Variants in PANX1 observed in about 807,000 individuals in gnomAD.
The protein encoded by PANX1 is pannexin 1.
A neutral mutation model predicts 38.7 loss-of-function variants in PANX1; 30 were observed. The observed-to-expected ratio is 0.78, with a 90% CI of 0.58 to 1.05. The LOEUF is 1.05. Ranked by LOEUF, PANX1 falls within the 50% of genes least tolerant of loss-of-function variation. The probability of loss-of-function intolerance (pLI) is 0.00; values close to 1 mark genes in which losing one functional copy is unlikely to be tolerated. For missense variants in PANX1, 551 were observed against 517.2 expected (o/e 1.07, Z -0.63); for synonymous variants, 230 against 212.2 (o/e 1.08, Z -0.73).
intron 2 of PANX1, among the ~76,000 whole-genome samples, chr11:94,158,803 G>A (rs933931995): frequency 9.9e-5 from 15 of 152,208 alleles, no homozygotes; most frequent in Admixed American, 5.9e-4. Flanking sequence ...GGAGTGGTGA[G>A]AGAGGGCATC....
chr11:94,138,155 C>A (rs538999412), intron 1 of PANX1, among the ~76,000 whole-genome samples: 3 of 151,990 alleles, frequency 2.0e-5, no homozygotes, highest in African/African-American at 7.2e-5. Context: ...CTGGATAGAC[C>A]CCCAATGGAT....
rs1354853320 is a variant in PANX1, at chr11:94,134,077, T to C, written c.181+4584T>C. Among the ~76,000 whole-genome samples, 3 of 152,238 alleles carry C rather than the reference T, an allele frequency of 2.0e-5. No homozygotes were observed. In the East Asian group the frequency reaches 5.8e-4, roughly 29 times the overall value. ...CGTCATGATAGGTAAGTTGTCCCAC[T>C]TGATTTATAAGCTCAGGTTATATTG... On this transcript the variant is annotated intron_variant, in intron 1 of 4. Coordinates refer to ENST00000227638, the MANE Select transcript of PANX1 (RefSeq NM_015368.4).
intron 1 of PANX1, 149 bp downstream of exon 1, chr11:94,129,642 A>G (rs1946602718): frequency 1.2e-5 from 8 of 681,224 alleles, no homozygotes; most frequent in Non-Finnish European, 1.9e-5. Flanking sequence ...TTATGGTCCA[A>G]AGCGTTCTTT....
In PANX1 at chr11:94,180,802, A is replaced by C. The variant is rs935683144; in HGVS notation, c.1214A>C (p.Asp405Ala). The C allele has an allele frequency of 6.6e-7, 1 of 1,521,248 alleles. No individual in the cohort carries two copies. The allele number at this position is 1,521,248 out of a possible 1,614,324, so 94.2% of individuals were successfully genotyped here. ...QTAELQGMNIDSETKANNGEK... is the reference protein window; with the variant it reads ...QTAELQGMNIASETKANNGEK... The stretch of plus-strand genomic sequence containing the variant: ...TCAATTTTGACAGGTATGAACATAG[A>C]CAGTGAAACTAAAGCAAATAATGGA... Residue 405 changes from aspartate (D) to alanine (A), a missense_variant, in exon 5 of 5, where the codon GAC becomes GCC. Transcript: ENST00000227638.
chr11:94,163,179 A>T (rs893548731), intron 2 of PANX1, among the ~76,000 whole-genome samples: 4 of 152,100 alleles, frequency 2.6e-5, no homozygotes, highest in Admixed American at 2.6e-4. Context: ...TTAATTTTTA[A>T]GTTTTATGGT....
At chr11:94,138,786 G>A (rs761573881) in intron 1 of PANX1, among the ~76,000 whole-genome samples, 29 of 152,056 alleles carry the variant, frequency 1.9e-4, no homozygotes, top group Admixed American at 5.2e-4. Flanking sequence ...CATTTCCCCT[G>A]ACAGCCATCC....
At chr11:94,170,191 C>T (rs1436692654) in intron 2 of PANX1, among the ~76,000 whole-genome samples, 1 of 151,678 alleles carries the variant, frequency 6.6e-6, no homozygotes, top group African/African-American at 2.4e-5. Flanking sequence ...CTGAGACCTG[C>T]ATCCATTAAG....
intron 2 of PANX1, among the ~76,000 whole-genome samples, chr11:94,161,784 G>A (rs925066411): frequency 1.3e-5 from 2 of 152,188 alleles, no homozygotes; most frequent in African/African-American, 2.4e-5. Context: ...TCCTTTGGAG[G>A]AGGAGAGGTG....
At position 94,129,133 on chromosome 11, in the gene PANX1, G is replaced by C. The variant is rs1010510674; in HGVS notation, c.-180G>C. 5 of 472,634 alleles carry C rather than the reference G, an allele frequency of 1.1e-5. No homozygotes were observed. The highest frequency in any genetic ancestry group is 1.0e-4 in the African/African-American group (5 of 48,728). The allele number at this position is 472,634 out of a possible 1,614,324, so 29.3% of individuals were successfully genotyped here. A position where few individuals can be genotyped will look rare whatever the true frequency, so the allele number is the denominator to read the frequency against. ...CCGGCGGCGGAGGCAGCGAGCGCGAGAGCCCAGCGGAGTCGCTGGGAGCCT... is the reference window on the plus strand; with the variant it reads ...CCGGCGGCGGAGGCAGCGAGCGCGACAGCCCAGCGGAGTCGCTGGGAGCCT... On this transcript the variant is annotated 5_prime_UTR_variant, in exon 1 of 5. Transcript: ENST00000227638.
rs181677056 is a variant in PANX1, at chr11:94,151,947, C to T, written c.182-1544C>T. Reference sequence around the variant, plus strand: ...AAATGCTCAGGGCTTTGCCGCATACCACTCCTACCACAAGAATATACTCTC... The same window carrying T: ...AAATGCTCAGGGCTTTGCCGCATACTACTCCTACCACAAGAATATACTCTC... On this transcript the variant is annotated intron_variant, in intron 1 of 4. Transcript: ENST00000227638. Among the ~76,000 whole-genome samples, 9 of 152,274 alleles carry T rather than the reference C, an allele frequency of 5.9e-5. No individual in the cohort carries two copies. In the East Asian group the frequency reaches 1.4e-3, roughly 23 times the overall value.
At chr11:94,144,222 C>T (rs939332585) in intron 1 of PANX1, among the ~76,000 whole-genome samples, 4 of 152,038 alleles carry the variant, frequency 2.6e-5, no homozygotes, top group South Asian at 4.1e-4. Context: ...CCCTCTTCTT[C>T]TCCCTCCCCC....
chr11:94,177,184 C>T (rs1258617905), intron 2 of PANX1, among the ~76,000 whole-genome samples: 1 of 151,112 alleles, frequency 6.6e-6, no homozygotes, highest in Non-Finnish European at 1.5e-5. Flanking sequence ...GCAGGGTGAA[C>T]TTGGCGGTTC....
chr11:94,164,785 C>T (rs185922332), intron 2 of PANX1, among the ~76,000 whole-genome samples: 123 of 152,176 alleles, frequency 8.1e-4, no homozygotes, highest in East Asian at 7.5e-3. Context: ...GTGAAGTTCC[C>T]GACTATTATT....
At chr11:94,154,495 C>G (rs1476893451) in intron 2 of PANX1, among the ~76,000 whole-genome samples, 1 of 152,200 alleles carries the variant, frequency 6.6e-6, no homozygotes, top group Non-Finnish European at 1.5e-5. Context: ...TGTGTATCTT[C>G]TGGTATTCTT....
chr11:94,136,318 T>A (rs930528419), intron 1 of PANX1, among the ~76,000 whole-genome samples: 5 of 152,154 alleles, frequency 3.3e-5, no homozygotes, highest in African/African-American at 4.8e-5. Flanking sequence ...AGGGCCTCCT[T>A]CAGGGGGTAG....
chr11:94,135,031 G>A (rs543841420), intron 1 of PANX1, among the ~76,000 whole-genome samples: 10 of 152,198 alleles, frequency 6.6e-5, no homozygotes, highest in African/African-American at 9.6e-5. Flanking sequence ...AAGGCCTGAG[G>A]CGTCAGGGGC....
chr11:94,161,447 T>A (rs1050539031), intron 2 of PANX1, among the ~76,000 whole-genome samples: 1 of 152,208 alleles, frequency 6.6e-6, no homozygotes, highest in African/African-American at 2.4e-5. Flanking sequence ...TCTAAACTTC[T>A]CTTCTCACTT....
intron 2 of PANX1, among the ~76,000 whole-genome samples, chr11:94,162,565 A>G (rs1055291349): frequency 1.3e-5 from 2 of 152,164 alleles, no homozygotes; most frequent in African/African-American, 4.8e-5. Flanking sequence ...ATACCGTTGG[A>G]TAAGCGCAGT....
At position 94,178,502 on chromosome 11, in the gene PANX1, G is replaced by A. The variant is rs572944224; in HGVS notation, c.455G>A (p.Arg152His). 33 of 1,614,084 alleles carry A rather than the reference G, an allele frequency of 2.0e-5. No individual in the cohort carries two copies. In the African/African-American group the frequency reaches 2.1e-4, roughly 10 times the overall value. ...IMEELDKVYNRAIKAAKSARD... is the reference protein window; with the variant it reads ...IMEELDKVYNHAIKAAKSARD... ...GAAGAACTTGACAAAGTTTACAACC[G>A]TGCAATTAAGGCTGCAAAGAGTGCG... Residue 152 changes from arginine to histidine, a missense_variant, in exon 3 of 5, where the codon CGT becomes CAT. Transcript: ENST00000227638.
Sources: allele counts gnomAD v4.1 joint callset (sites outside exome capture counted in the v4.1 genomes callset), GRCh38; gene constraint gnomAD v4.1.1; transcripts MANE v1.5; gene names NCBI Gene and HGNC (gene_info 2026-07-23, HGNC 2026-07-21).